OGFOD1: variants seen among roughly 807,000 people sequenced by gnomAD.
The protein encoded by OGFOD1 is 2-oxoglutarate and iron dependent oxygenase domain containing 1.
Under a neutral mutation model 67.7 loss-of-function variants are expected in OGFOD1, and 54 were observed. The observed-to-expected ratio is 0.80, with a 90% confidence interval of 0.64 to 1.00. The LOEUF (loss-of-function observed/expected upper bound fraction) is 1.00. Among genes scored for constraint, OGFOD1 ranks in the 50% least tolerant of loss-of-function variants. OGFOD1 has a pLI of 0.00. For missense variants in OGFOD1, 606 were observed against 646.7 expected, an observed-to-expected ratio of 0.94 and a Z score of 0.68; for synonymous variants, 221 against 227.0, an observed-to-expected ratio of 0.97 and a Z score of 0.24.
At chr16:56,465,968 T>C (rs930548890) in intron 4 of OGFOD1, 184 bp from the exon 5 acceptor site, 7 of 524,252 alleles carry the variant, frequency 1.3e-5, no homozygotes, top group African/African-American at 9.6e-5. Flanking sequence ...TTTAGAGTTT[T>C]CTATATTGAC....
Position 56,470,555 on chromosome 16 carries a change from C to A in OGFOD1, c.1049C>A (p.Ser350Tyr). Reference sequence around the variant, plus strand: ...AAGGAGTGCATGAAGTTATTTCGCTCTGAGGCACTATTCTTGCTGCTCTCC... The same window carrying A: ...AAGGAGTGCATGAAGTTATTTCGCTATGAGGCACTATTCTTGCTGCTCTCC... ...ILKECMKLFR[S>Y]EALFLLLSNF... Residue 350 changes from serine to tyrosine, a missense_variant, in exon 10 of 13, where the codon TCT becomes TAT. Ser to Tyr is a moderately radical substitution (Grantham distance 144). Coordinates refer to ENST00000566157, the MANE Select transcript of OGFOD1 (RefSeq NM_018233.4). The A allele has an allele frequency of 6.2e-7, 1 of 1,614,148 alleles. No homozygotes were observed. Among genetic ancestry groups the A allele is most frequent in the Non-Finnish European group, 8.5e-7 (1 of 1,180,016 alleles).
chr16:56,476,055 G>A lies in OGFOD1; in HGVS notation c.1479G>A (p.Val493=), dbSNP rs1424125969. 1 of 1,611,064 alleles carries A rather than the reference G, an allele frequency of 6.2e-7. No individual in the cohort carries two copies. Among genetic ancestry groups the A allele is most frequent in the Non-Finnish European group, 8.5e-7 (1 of 1,179,152 alleles). The change falls in exon 13 of 13, where the codon GTG becomes GTA. Residue 493 remains valine (V), a synonymous_variant. Transcript: ENST00000566157. ...AKGEDEELLT[V]NPESNSLALV... Reference sequence around the variant, plus strand: ...TTTGTCTTTTTCAGCTGCTAACAGTGAATCCAGAAAGCAATTCTTTGGCAT... The same window carrying A: ...TTTGTCTTTTTCAGCTGCTAACAGTAAATCCAGAAAGCAATTCTTTGGCAT...
At chr16:56,457,967 C>T (rs1201238218) in intron 2 of OGFOD1, among the ~76,000 whole-genome samples, 3 of 152,194 alleles carry the variant, frequency 2.0e-5, no homozygotes, top group Non-Finnish European at 4.4e-5. Context: ...CATGAGCCAC[C>T]GTGCCCGGCC....
At chr16:56,459,137 T>A (rs2143984090) in intron 3 of OGFOD1, among the ~76,000 whole-genome samples, 1 of 152,260 alleles carries the variant, frequency 6.6e-6, no homozygotes, top group Non-Finnish European at 1.5e-5. Context: ...GGTCAGGAGT[T>A]CAAGACCAGC....
chr16:56,454,128 G>A (rs1385894652), intron 2 of OGFOD1, among the ~76,000 whole-genome samples: 5 of 151,950 alleles, frequency 3.3e-5, no homozygotes, highest in Admixed American at 1.3e-4. Context: ...CGGGTAGATC[G>A]CCTGAGGTCA....
At chr16:56,465,354 T>C (rs1962860320) in intron 4 of OGFOD1, among the ~76,000 whole-genome samples, 1 of 152,222 alleles carries the variant, frequency 6.6e-6, no homozygotes, top group Non-Finnish European at 1.5e-5. Flanking sequence ...TGAATTCCCA[T>C]TGATTCCTCG....
intron 2 of OGFOD1, among the ~76,000 whole-genome samples, chr16:56,455,791 A>G (rs1411753582): frequency 6.6e-6 from 1 of 152,174 alleles, no homozygotes; most frequent in East Asian, 1.9e-4. Flanking sequence ...TCCCATTACT[A>G]TACCTGTTTC....
intron 5 of OGFOD1, 105 bp downstream of exon 5, chr16:56,466,373 A>G (rs1044469273): frequency 4.4e-6 from 3 of 676,636 alleles, no homozygotes; most frequent in Non-Finnish European, 7.8e-6. Context: ...GTACTCCTCA[A>G]AGGAAGTGGA....
chr16:56,456,754 C>T (rs1596966582), intron 2 of OGFOD1, among the ~76,000 whole-genome samples: 1 of 152,260 alleles, frequency 6.6e-6, no homozygotes, highest in Non-Finnish European at 1.5e-5. Context: ...AGTAAAATGC[C>T]AGGTTGTTCG....
intron 3 of OGFOD1, among the ~76,000 whole-genome samples, chr16:56,459,111 C>T (rs1286222183): frequency 2.0e-4 from 31 of 152,100 alleles, no homozygotes; most frequent in Admixed American, 1.5e-3. Flanking sequence ...GAGGCCGAGG[C>T]GGGTGGATCA....
chr16:56,468,919 T>C (rs1246236378), intron 8 of OGFOD1, among the ~76,000 whole-genome samples: 1 of 152,210 alleles, frequency 6.6e-6, no homozygotes, highest in Non-Finnish European at 1.5e-5. Flanking sequence ...CATGGCACTT[T>C]ACAGTTGACT....
chr16:56,476,361 C>A lies in OGFOD1; in HGVS notation c.*156C>A. 2 of 537,662 alleles carry A rather than the reference C, an allele frequency of 3.7e-6. No homozygotes were observed. Among genetic ancestry groups the A allele is most frequent in the Non-Finnish European group, 3.1e-6 (1 of 324,606 alleles). The allele number at this position is 537,662 out of a possible 1,614,324, so 33.3% of individuals were successfully genotyped here. ...TACTAGGACTCATAATGATTGTCCT[C>A]AACCGAGACCTTGAGCTTGCAGCTA... On this transcript the variant is annotated 3_prime_UTR_variant, in exon 13 of 13. Transcript: ENST00000566157.
chr16:56,466,545 T>C (rs1273339628), intron 5 of OGFOD1, among the ~76,000 whole-genome samples: 1 of 151,970 alleles, frequency 6.6e-6, no homozygotes, highest in African/African-American at 2.4e-5. Context: ...AAGGGTGGAG[T>C]GCATATAAGG....
chr16:56,468,370 T>G (rs1333305295), intron 8 of OGFOD1, among the ~76,000 whole-genome samples: 2 of 152,210 alleles, frequency 1.3e-5, no homozygotes, highest in African/African-American at 4.8e-5. Context: ...TAGATCAATA[T>G]CTGTTGTTGA....
rs188704750 is a variant in OGFOD1 at position 56,455,697 on chromosome 16, G to C, written c.300+2289G>C. 5.9e-5 allele frequency among the ~76,000 whole-genome samples: 9 copies of C among 152,184 alleles called. No homozygotes were observed. The East Asian group carries it at 1.7e-3, about 29-fold the overall frequency. On this transcript the variant is annotated intron_variant, in intron 2 of 12. Coordinates refer to ENST00000566157, the MANE Select transcript of OGFOD1 (RefSeq NM_018233.4). ...GTCATTAGGACTTGCCCAGTATTCT[G>C]TATTTTTTAAAGCAAGCATTATTGA... is the stretch of plus-strand genomic sequence containing the variant.
chr16:56,453,335 T>C lies in OGFOD1; in HGVS notation c.227T>C (p.Leu76Ser). 6.2e-7 allele frequency: 1 copy of C among 1,614,140 alleles called. No homozygotes were observed. The highest frequency in any genetic ancestry group is 8.5e-7 in the Non-Finnish European group (1 of 1,179,986). ...IPNFIQSQDF[L>S]EGLQKELMNL... ...AACTTCATCCAAAGCCAAGACTTCTTAGAAGGGCTTCAGAAGGAACTGATG... is the reference window on the plus strand; with the variant it reads ...AACTTCATCCAAAGCCAAGACTTCTCAGAAGGGCTTCAGAAGGAACTGATG... The change falls in exon 2 of 13, where the codon TTA (leucine) becomes TCA (serine). Residue 76 changes from leucine (L) to serine (S), a missense_variant. Transcript: ENST00000566157.
At chr16:56,454,549 G>C (rs1596964248) in intron 2 of OGFOD1, among the ~76,000 whole-genome samples, 2 of 148,274 alleles carry the variant, frequency 1.3e-5, no homozygotes, top group African/African-American at 5.0e-5. Context: ...GCCTAGTCTA[G>C]GTATAGAAAT....
intron 3 of OGFOD1, chr16:56,458,965 T>G: frequency 5.2e-6 from 1 of 192,762 alleles, no homozygotes; most frequent in South Asian, 9.5e-5. Flanking sequence ...GCTGTAGTCT[T>G]TCTTCAAAGA....
chr16:56,468,780 T>C (rs544020758), intron 8 of OGFOD1, among the ~76,000 whole-genome samples: 1 of 152,092 alleles, frequency 6.6e-6, no homozygotes, highest in African/African-American at 2.4e-5. Context: ...GGCTCTGTGG[T>C]TTTACTAACC....
Sources: allele counts gnomAD v4.1 joint callset (sites outside exome capture counted in the v4.1 genomes callset), GRCh38; gene constraint gnomAD v4.1.1; transcripts MANE v1.5; gene names NCBI Gene and HGNC (gene_info 2026-07-23, HGNC 2026-07-21).